The following CSTPP1 variants were observed in gnomAD, a reference collection of about 807,000 sequenced individuals.
CSTPP1 encodes centriolar satellite-associated tubulin polyglutamylase complex regulator 1.
the CSTPP1 span, among the ~76,000 whole-genome samples, chr11:47,097,615 CG>C: frequency 9.5e-6 from 1 of 105,204 alleles, no homozygotes; most frequent in African/African-American, 3.6e-5. Flanking sequence ...CCAGCCGCCC[CG>C]TCCGGGAGGG....
chr11:47,035,769 T>A, the CSTPP1 span, among the ~76,000 whole-genome samples: 10 of 152,196 alleles, frequency 6.6e-5, no homozygotes, highest in African/African-American at 1.2e-4. Flanking sequence ...GACATACTTT[T>A]AAAAATTTTT....
the CSTPP1 span, among the ~76,000 whole-genome samples, chr11:46,980,579 G>A: frequency 6.6e-6 from 1 of 152,102 alleles, no homozygotes; most frequent in Non-Finnish European, 1.5e-5. Context: ...TACACTTGGA[G>A]TAGAGAAGGC....
chr11:46,971,953 A>G, the CSTPP1 span, among the ~76,000 whole-genome samples: 1 of 152,210 alleles, frequency 6.6e-6, no homozygotes, highest in African/African-American at 2.4e-5. Flanking sequence ...CTCAAAAAGA[A>G]AAAAGCTAGG....
chr11:47,003,887 T>G, the CSTPP1 span, among the ~76,000 whole-genome samples: 2 of 152,238 alleles, frequency 1.3e-5, no homozygotes, highest in Non-Finnish European at 2.9e-5. Flanking sequence ...TATTGTAATT[T>G]TCTAGGTCTA....
At chr11:47,000,683 G>A in the CSTPP1 span, among the ~76,000 whole-genome samples, 5 of 152,138 alleles carry the variant, frequency 3.3e-5, no homozygotes, top group Non-Finnish European at 7.3e-5. Context: ...CTCTGTGCCT[G>A]TGTGTACTAT....
At chr11:47,163,268 G>A in the CSTPP1 span, among the ~76,000 whole-genome samples, 1 of 151,960 alleles carries the variant, frequency 6.6e-6, no homozygotes, top group Non-Finnish European at 1.5e-5. Flanking sequence ...TCAAATCCTG[G>A]TGTCCTCAGA....
the CSTPP1 span, among the ~76,000 whole-genome samples, chr11:47,053,828 C>T: frequency 2.6e-5 from 4 of 151,932 alleles, no homozygotes; most frequent in East Asian, 5.8e-4. Context: ...CCTGTACTCA[C>T]AGCTACTTGG....
the CSTPP1 span, among the ~76,000 whole-genome samples, chr11:47,051,269 C>T: frequency 1.4e-4 from 21 of 152,270 alleles, no homozygotes; most frequent in African/African-American, 5.1e-4. Context: ...TTTCTGGAAC[C>T]TAAAGTTCAC....
At chr11:47,110,913 A>C in the CSTPP1 span, among the ~76,000 whole-genome samples, 3 of 72,978 alleles carry the variant, frequency 4.1e-5, no homozygotes, top group African/African-American at 1.3e-4. Context: ...TTTTTGAGAC[A>C]GAGTCTAGCT....
At chr11:47,056,912 T>C in the CSTPP1 span, among the ~76,000 whole-genome samples, 1 of 152,204 alleles carries the variant, frequency 6.6e-6, no homozygotes, top group African/African-American at 2.4e-5. Flanking sequence ...GTGCATACTT[T>C]AGCATTATCA....
the CSTPP1 span, among the ~76,000 whole-genome samples, chr11:47,127,697 A>G: frequency 6.7e-6 from 1 of 148,456 alleles, no homozygotes; most frequent in South Asian, 2.1e-4. Flanking sequence ...TCTTCCTTTA[A>G]AAAAAAAAAG....
the CSTPP1 span, among the ~76,000 whole-genome samples, chr11:46,940,409 T>C: frequency 6.6e-6 from 1 of 152,182 alleles, no homozygotes; most frequent in African/African-American, 2.4e-5. Context: ...GCATATGCAT[T>C]GAAGTACTTA....
At chr11:47,037,152 C>T in the CSTPP1 span, among the ~76,000 whole-genome samples, 3 of 126,194 alleles carry the variant, frequency 2.4e-5, no homozygotes, top group African/African-American at 7.5e-5. Context: ...GAAGGGCTTC[C>T]ATGGCAAAAT....
the CSTPP1 span, among the ~76,000 whole-genome samples, chr11:47,084,218 G>A: frequency 1.3e-5 from 2 of 152,140 alleles, no homozygotes; most frequent in Admixed American, 1.3e-4. Flanking sequence ...TTTGTGAAGT[G>A]TCTCTTCAAA....
At chr11:47,047,537 A>C in the CSTPP1 span, among the ~76,000 whole-genome samples, 1 of 152,270 alleles carries the variant, frequency 6.6e-6, no homozygotes, top group Non-Finnish European at 1.5e-5. Context: ...TCCACGTGTG[A>C]AAGAATGAAA....
chr11:47,032,677 T>G, the CSTPP1 span, among the ~76,000 whole-genome samples: 1 of 152,230 alleles, frequency 6.6e-6, no homozygotes, highest in Non-Finnish European at 1.5e-5. Context: ...CCTGAACTTC[T>G]TATTCATGAT....
At chr11:46,984,403 T>C in the CSTPP1 span, among the ~76,000 whole-genome samples, 1 of 152,234 alleles carries the variant, frequency 6.6e-6, no homozygotes, top group African/African-American at 2.4e-5. Flanking sequence ...AGTACAGTAC[T>C]ATATCTGTCA....
At chr11:46,990,453 A>G in the CSTPP1 span, among the ~76,000 whole-genome samples, 1 of 152,140 alleles carries the variant, frequency 6.6e-6, no homozygotes, top group South Asian at 2.1e-4. Flanking sequence ...CTTTTGAGAA[A>G]ATGTCTGTTC....
chr11:47,057,821 G>A, the CSTPP1 span, among the ~76,000 whole-genome samples: 1 of 152,108 alleles, frequency 6.6e-6, no homozygotes, highest in South Asian at 2.1e-4. Context: ...GTATACAAGG[G>A]GCTAAGGATA....
Sources: allele counts gnomAD v4.1 joint callset (sites outside exome capture counted in the v4.1 genomes callset), GRCh38; gene constraint gnomAD v4.1.1; transcripts MANE v1.5; gene names NCBI Gene and HGNC (gene_info 2026-07-23, HGNC 2026-07-21).